Variants in PPP2R5C observed in about 807,000 individuals in gnomAD.
PPP2R5C encodes the protein protein phosphatase 2 regulatory subunit B'gamma.
A neutral mutation model predicts 68.9 loss-of-function variants in PPP2R5C; 7 were observed. That is an observed-to-expected ratio of 0.10 (90% CI 0.06 to 0.19). The LOEUF (loss-of-function observed/expected upper bound fraction) is 0.19, where lower values mean the gene tolerates loss of function less well. PPP2R5C is among the 10% of genes least tolerant of loss of function. The pLI is 1.00. For synonymous variants in PPP2R5C, 210 were observed against 222.2 expected, an observed-to-expected ratio of 0.95 and a Z score of 0.49; for missense variants, 348 against 641.3, an observed-to-expected ratio of 0.54 and a Z score of 4.94.
chr14:101,787,895 C>T (rs2038193780), intron 3 of PPP2R5C, among the ~76,000 whole-genome samples: 1 of 152,000 alleles, frequency 6.6e-6, no homozygotes, highest in Non-Finnish European at 1.5e-5. Flanking sequence ...TAGTCTTCCT[C>T]TTCCCAAATA....
chr14:101,816,540 A>G (rs986834208), intron 1 of PPP2R5C, among the ~76,000 whole-genome samples: 2 of 152,208 alleles, frequency 1.3e-5, no homozygotes, highest in African/African-American at 4.8e-5. Flanking sequence ...TATTAGAGAC[A>G]TTTTGAAGGC....
chr14:101,886,570 C>T (rs548168154), intron 5 of PPP2R5C, among the ~76,000 whole-genome samples: 9 of 151,996 alleles, frequency 5.9e-5, no homozygotes, highest in Non-Finnish European at 1.3e-4. Context: ...TGTCCTGATA[C>T]GCGCAGTCAA....
chr14:101,798,825 C>T (rs1371466219), intron 3 of PPP2R5C, among the ~76,000 whole-genome samples: 1 of 152,110 alleles, frequency 6.6e-6, no homozygotes, highest in African/African-American at 2.4e-5. Flanking sequence ...GCGAGGCCAG[C>T]GTAGAAGGCA....
intron 3 of PPP2R5C, among the ~76,000 whole-genome samples, chr14:101,801,853 A>G (rs1034681821): frequency 6.6e-6 from 1 of 152,230 alleles, no homozygotes; most frequent in Non-Finnish European, 1.5e-5. Flanking sequence ...TAAGATTCAT[A>G]GGGAATATCA....
chr14:101,923,732 C>A (rs562926475), intron 13 of PPP2R5C, among the ~76,000 whole-genome samples: 8 of 152,294 alleles, frequency 5.3e-5, no homozygotes, highest in African/African-American at 1.9e-4. Context: ...TCTTTTTAAA[C>A]CTTGACATTA....
intron 1 of PPP2R5C, among the ~76,000 whole-genome samples, chr14:101,829,536 C>G (rs1219163696): frequency 1.3e-5 from 2 of 152,172 alleles, no homozygotes; most frequent in East Asian, 3.8e-4. Context: ...AGCTTGTTGC[C>G]TTAACTTCAG....
intron 3 of PPP2R5C, among the ~76,000 whole-genome samples, chr14:101,802,839 A>G (rs1295792723): frequency 6.6e-6 from 1 of 151,964 alleles, no homozygotes; most frequent in African/African-American, 2.4e-5. Context: ...AGAATATAAT[A>G]TCTGCAAATG....
chr14:101,810,488 A>C (rs982068697), intron 1 of PPP2R5C, among the ~76,000 whole-genome samples: 1 of 152,240 alleles, frequency 6.6e-6, no homozygotes. Flanking sequence ...GATGAATTGC[A>C]GTCAGAAAAT....
intron 13 of PPP2R5C, among the ~76,000 whole-genome samples, chr14:101,922,612 G>A (rs1305110740): frequency 6.6e-6 from 1 of 151,522 alleles, no homozygotes; most frequent in African/African-American, 2.4e-5. Flanking sequence ...CCAGGAGTTT[G>A]AGACCAGCCT....
intron 1 of PPP2R5C, among the ~76,000 whole-genome samples, chr14:101,814,543 T>C (rs966647069): frequency 5.9e-5 from 9 of 152,174 alleles, no homozygotes; most frequent in African/African-American, 2.2e-4. Flanking sequence ...GCTCTCAATC[T>C]CAGAGGCAAA....
At chr14:101,774,870 G>C (rs2037336366) in intron 2 of PPP2R5C, among the ~76,000 whole-genome samples, 1 of 152,226 alleles carries the variant, frequency 6.6e-6, no homozygotes, top group Non-Finnish European at 1.5e-5. Context: ...AATATTCAAG[G>C]CTTCAGGGGG....
intron 3 of PPP2R5C, among the ~76,000 whole-genome samples, chr14:101,786,610 A>G (rs2038099262): frequency 6.6e-6 from 1 of 152,226 alleles, no homozygotes; most frequent in Admixed American, 6.5e-5. Flanking sequence ...CTGTAGCTAT[A>G]GTACATTATG....
At chr14:101,920,309 C>G (rs1202381758) in intron 13 of PPP2R5C, among the ~76,000 whole-genome samples, 1 of 152,218 alleles carries the variant, frequency 6.6e-6, no homozygotes, top group African/African-American at 2.4e-5. Flanking sequence ...GGGGCACGTC[C>G]CCTCCTGGGA....
intron 1 of PPP2R5C, among the ~76,000 whole-genome samples, chr14:101,815,690 G>A (rs1436381204): frequency 6.6e-6 from 1 of 152,174 alleles, no homozygotes; most frequent in Admixed American, 6.5e-5. Context: ...TCTTTTTTGA[G>A]TTGGAGTCTC....
At position 101,899,661 on chromosome 14, in the gene PPP2R5C, T is replaced by C. The variant is rs1395130068; in HGVS notation, c.853-2058T>C. ...ACATATTTCTCCTAATAAAATTCCATTTGACAAATGAAGAGAAATAGATGT... is the reference window on the plus strand; with the variant it reads ...ACATATTTCTCCTAATAAAATTCCACTTGACAAATGAAGAGAAATAGATGT... On this transcript the variant is annotated intron_variant, in intron 8 of 13. Coordinates refer to ENST00000334743, the Ensembl canonical transcript of PPP2R5C. This position sits in a 1 kb window ranked among gnomAD's most constrained non-coding sequence, Gnocchi z 4.2. Among the ~76,000 whole-genome samples the C allele has an allele frequency of 1.3e-5, 2 of 152,226 alleles. No individual in the cohort carries two copies. Among genetic ancestry groups the C allele is most frequent in the Non-Finnish European group, 2.9e-5 (2 of 68,044 alleles).
At chr14:101,925,419 G>A (rs2047247621) in exon 14 of PPP2R5C, 2 of 1,341,334 alleles carry the variant, frequency 1.5e-6, no homozygotes, top group Non-Finnish European at 2.0e-6. Flanking sequence ...CCGCCTCAGC[G>A]CGAGATTAGG....
At chr14:101,904,225 C>G (rs1302631919) in intron 9 of PPP2R5C, among the ~76,000 whole-genome samples, 1 of 152,004 alleles carries the variant, frequency 6.6e-6, no homozygotes, top group African/African-American at 2.4e-5. Flanking sequence ...TCTCAGCTCA[C>G]TGCAACCTCT....
intron 1 of PPP2R5C, among the ~76,000 whole-genome samples, chr14:101,847,468 C>G (rs1242425202): frequency 6.6e-6 from 1 of 152,138 alleles, no homozygotes; most frequent in African/African-American, 2.4e-5. Context: ...TTCCTGTTCT[C>G]CCTGAGCCTT....
chr14:101,848,547 A>G (rs2041971695), intron 1 of PPP2R5C, among the ~76,000 whole-genome samples: 1 of 152,026 alleles, frequency 6.6e-6, no homozygotes, highest in Non-Finnish European at 1.5e-5. Context: ...CAAAAAAAAA[A>G]AAGAAAGAAA....
Sources: allele counts gnomAD v4.1 joint callset (sites outside exome capture counted in the v4.1 genomes callset), GRCh38; gene constraint gnomAD v4.1.1; non-coding constraint Gnocchi (gnomAD v3.1); transcripts MANE v1.5; gene names NCBI Gene and HGNC (gene_info 2026-07-23, HGNC 2026-07-21).